The following LUZP2 variants were observed in gnomAD, a reference collection of about 807,000 sequenced individuals.
LUZP2 encodes leucine zipper protein 2.
A neutral mutation model predicts 51.6 loss-of-function variants in LUZP2; 52 were observed. The ratio of observed to expected loss-of-function variants is 1.01; its 90% CI spans 0.81 to 1.27. LUZP2 has a LOEUF of 1.27. Ranked by LOEUF, LUZP2 falls within the 50% of genes most tolerant of loss-of-function variation. The probability of loss-of-function intolerance (pLI) is 0.00; values close to 1 mark genes in which losing one functional copy is unlikely to be tolerated. For synonymous variants in LUZP2, 154 were observed against 137.3 expected (o/e 1.12, Z -0.85); for missense variants, 436 against 395.4 (o/e 1.10, Z -0.87).
chr11:24,884,855 C>T (rs1565053168), intron 5 of LUZP2, among the ~76,000 whole-genome samples: 2 of 152,026 alleles, frequency 1.3e-5, no homozygotes, highest in Non-Finnish European at 2.9e-5. Flanking sequence ...GTTTTTGCCC[C>T]ATTCCCAGAA....
At chr11:24,735,335 C>T (rs1239972207) in intron 3 of LUZP2, among the ~76,000 whole-genome samples, 4 of 151,784 alleles carry the variant, frequency 2.6e-5, no homozygotes, top group African/African-American at 9.7e-5. Flanking sequence ...TAAACCATAC[C>T]ATGCCAGGAC....
At chr11:24,948,614 G>A (rs1169873843) in intron 7 of LUZP2, among the ~76,000 whole-genome samples, 2 of 151,716 alleles carry the variant, frequency 1.3e-5, no homozygotes, top group African/African-American at 4.8e-5. Context: ...TATATGATAT[G>A]ACAACAAGAA....
chr11:24,528,205 T>C (rs1171384254), intron 1 of LUZP2, among the ~76,000 whole-genome samples: 1 of 151,256 alleles, frequency 6.6e-6, no homozygotes, highest in Non-Finnish European at 1.5e-5. Context: ...CAAGGGTTAC[T>C]AGTTTCAGTA....
chr11:24,632,145 A>G (rs1429984803), intron 1 of LUZP2, among the ~76,000 whole-genome samples: 1 of 152,028 alleles, frequency 6.6e-6, no homozygotes, highest in Non-Finnish European at 1.5e-5. Flanking sequence ...CCAACTCACT[A>G]AACACCTGAA....
At position 24,993,377 on chromosome 11, in the gene LUZP2, C is replaced by T. The variant is rs575297507; in HGVS notation, c.765+10084C>T. 9.9e-5 allele frequency among the ~76,000 whole-genome samples: 15 copies of T among 152,212 alleles called. No homozygotes were observed. The South Asian group carries it at 3.1e-3, about 32-fold the overall frequency. On this transcript the variant is annotated intron_variant, in intron 9 of 11. Coordinates refer to ENST00000336930, the MANE Select transcript of LUZP2 (RefSeq NM_001009909.4). ...GTCAATACCAAAACTCTATCAATGTCATTATTTGGGTTATTTACATCTTTC... is the reference window on the plus strand; with the variant it reads ...GTCAATACCAAAACTCTATCAATGTTATTATTTGGGTTATTTACATCTTTC...
intron 1 of LUZP2, among the ~76,000 whole-genome samples, chr11:24,605,708 C>A (rs1412603294): frequency 6.6e-6 from 1 of 151,602 alleles, no homozygotes; most frequent in African/African-American, 2.4e-5. Context: ...TATCCACAAT[C>A]AAGATAATTA....
At chr11:25,028,640 C>G (rs1265690577) in intron 9 of LUZP2, among the ~76,000 whole-genome samples, 1 of 150,742 alleles carries the variant, frequency 6.6e-6, no homozygotes, top group African/African-American at 2.4e-5. Flanking sequence ...GAATCGTGTA[C>G]CATTTTTTAT....
chr11:24,520,819 G>A (rs1912140), intron 1 of LUZP2, among the ~76,000 whole-genome samples: 4,748 of 152,174 alleles, frequency 0.031, 234 homozygotes, highest in African/African-American at 0.1. Context: ...TCCCAAGAGA[G>A]GACTCCCATT....
At chr11:24,967,872 T>C (rs1855633402) in intron 7 of LUZP2, among the ~76,000 whole-genome samples, 1 of 152,170 alleles carries the variant, frequency 6.6e-6, no homozygotes, top group African/African-American at 2.4e-5. Flanking sequence ...TCATCTAGTC[T>C]TGTGTGTGAC....
intron 7 of LUZP2, among the ~76,000 whole-genome samples, chr11:24,936,884 C>T (rs1334107444): frequency 3.9e-5 from 6 of 152,256 alleles, no homozygotes; most frequent in African/African-American, 1.4e-4. Context: ...AGCGTATCTT[C>T]CCACCCTGCT....
intron 9 of LUZP2, among the ~76,000 whole-genome samples, chr11:25,046,367 G>T (rs1590872894): frequency 6.6e-6 from 1 of 152,028 alleles, no homozygotes; most frequent in African/African-American, 2.4e-5. Context: ...TTGTAGAGCG[G>T]ATGCATAATA....
intron 1 of LUZP2, among the ~76,000 whole-genome samples, chr11:24,713,854 A>ATTT (rs11357002): frequency 1.2e-4 from 7 of 57,468 alleles, no homozygotes; most frequent in African/African-American, 2.7e-4. Flanking sequence ...ATGCCTGGCC[A>ATTT]TTTTTTTTTT....
intron 9 of LUZP2, among the ~76,000 whole-genome samples, chr11:25,026,181 T>C (rs574383275): frequency 5.0e-4 from 75 of 150,770 alleles, no homozygotes; most frequent in African/African-American, 1.7e-3. Flanking sequence ...TTAGGAGATA[T>C]ACCTAATGTA....
chr11:24,865,238 T>C (rs1271666200), intron 5 of LUZP2, among the ~76,000 whole-genome samples: 1 of 152,240 alleles, frequency 6.6e-6, no homozygotes, highest in Non-Finnish European at 1.5e-5. Flanking sequence ...TGAAAACTGA[T>C]GTTTCATGCT....
intron 1 of LUZP2, among the ~76,000 whole-genome samples, chr11:24,591,202 A>G (rs1252893677): frequency 6.6e-6 from 1 of 152,174 alleles, no homozygotes; most frequent in African/African-American, 2.4e-5. Context: ...TCATTTGGAA[A>G]CATCCAAGTG....
intron 1 of LUZP2, among the ~76,000 whole-genome samples, chr11:24,683,208 T>A (rs1856802448): frequency 6.6e-6 from 1 of 152,226 alleles, no homozygotes; most frequent in African/African-American, 2.4e-5. Flanking sequence ...AACCTTATGC[T>A]GCTTCATTTC....
At chr11:25,016,707 G>T (rs1427347154) in intron 9 of LUZP2, among the ~76,000 whole-genome samples, 1 of 151,980 alleles carries the variant, frequency 6.6e-6, no homozygotes, top group African/African-American at 2.4e-5. Context: ...CATAGCTTTG[G>T]AATTGTAAAT....
At chr11:25,067,044 G>A (rs1859017014) in intron 10 of LUZP2, among the ~76,000 whole-genome samples, 1 of 151,874 alleles carries the variant, frequency 6.6e-6, no homozygotes, top group Admixed American at 6.6e-5. Flanking sequence ...AAACTCTGAA[G>A]GTTTATTATC....
chr11:24,935,411 G>A (rs1238553953), intron 7 of LUZP2, among the ~76,000 whole-genome samples: 4 of 152,142 alleles, frequency 2.6e-5, no homozygotes, highest in Admixed American at 1.3e-4. Flanking sequence ...TTAAGTACCT[G>A]TTTAAAAATT....
Sources: gnomAD v4.1 joint callset for allele counts (sites outside exome capture counted in the v4.1 genomes callset) on GRCh38, gnomAD v4.1.1 for gene constraint, MANE v1.5 for transcripts, NCBI Gene and HGNC (gene_info 2026-07-23, HGNC 2026-07-21) for gene names.